Variants in HDAC4 observed in about 807,000 individuals in gnomAD.
HDAC4 encodes histone deacetylase 4.
A neutral mutation model predicts 135.1 loss-of-function variants in HDAC4; 16 were observed. The observed-to-expected ratio is 0.12, with a 90% CI of 0.08 to 0.18. The LOEUF (loss-of-function observed/expected upper bound fraction) is 0.18. Among genes scored for constraint, HDAC4 ranks in the 10% least tolerant of loss-of-function variants. The probability of loss-of-function intolerance (pLI) is 1.00; values close to 1 mark genes in which losing one functional copy is unlikely to be tolerated. For missense variants in HDAC4, 1,143 were observed against 1,511.8 expected (o/e 0.76, Z 4.05); for synonymous variants, 685 against 653.4 (o/e 1.05, Z -0.74).
intron 2 of HDAC4, among the ~76,000 whole-genome samples, chr2:239,286,278 A>AT (rs1190525115): frequency 6.6e-6 from 1 of 152,242 alleles, no homozygotes; most frequent in Non-Finnish European, 1.5e-5. Flanking sequence ...TAATTGATGC[A>AT]TTTTAAAAAA....
At chr2:239,386,196 C>T (rs1187308562) in intron 1 of HDAC4, among the ~76,000 whole-genome samples, 1 of 151,992 alleles carries the variant, frequency 6.6e-6, no homozygotes, top group Non-Finnish European at 1.5e-5. Flanking sequence ...GGTTCAGAGC[C>T]ACTGTCAGGT....
chr2:239,237,579 C>CAAAA (rs112938737), intron 2 of HDAC4, among the ~76,000 whole-genome samples: 6 of 136,238 alleles, frequency 4.4e-5, no homozygotes, highest in African/African-American at 7.8e-5. Flanking sequence ...CAAATGACTG[C>CAAAA]AAAAAAAAAA....
chr2:239,367,201 A>G (rs1354716015), intron 1 of HDAC4, among the ~76,000 whole-genome samples: 1 of 152,150 alleles, frequency 6.6e-6, no homozygotes, highest in Non-Finnish European at 1.5e-5. Flanking sequence ...TGTTCATAAT[A>G]GAAAAATGTC....
intron 19 of HDAC4, among the ~76,000 whole-genome samples, chr2:239,087,102 G>A (rs771171929): frequency 6.6e-6 from 1 of 152,160 alleles, no homozygotes; most frequent in Admixed American, 6.5e-5. Flanking sequence ...TGAAAGACCC[G>A]AAACAGCATC....
intron 1 of HDAC4, among the ~76,000 whole-genome samples, chr2:239,357,561 G>C (rs1247146561): frequency 6.6e-6 from 1 of 151,862 alleles, no homozygotes; most frequent in Non-Finnish European, 1.5e-5. Flanking sequence ...AGCTGATAAA[G>C]AGAAAAGACA....
In HDAC4 at chr2:239,133,830, G is replaced by A. The variant is rs1015881732; in HGVS notation, c.1294+415C>T. Among the ~76,000 whole-genome samples the A allele has an allele frequency of 3.9e-5, 6 of 152,146 alleles. No homozygotes were observed. The East Asian group carries it at 5.8e-4, about 15-fold the overall frequency. ...TGTTGCTATGTAATTTCATAAGGAC[G>A]TTCCCATTTTCCTCTAAATTGTATT... On this transcript the variant is annotated intron_variant, in intron 11 of 26. Transcript: ENST00000543185.
rs776353004 is a variant in HDAC4 at position 239,156,604 on chromosome 2, G to C, written c.733+48C>G. On this transcript the variant is annotated intron_variant, in intron 7 of 26. Coordinates refer to ENST00000543185, the MANE Select transcript of HDAC4 (RefSeq NM_001378414.1). ...CCCTGCGTGGCTTGTGGCGTGGAAG[G>C]TGCCCGTGCAGGAGACCTCCCGGCC... is the stretch of plus-strand genomic sequence containing the variant. 6.2e-6 allele frequency: 10 copies of C among 1,613,358 alleles called. No homozygotes were observed. The African/African-American group carries it at 1.3e-4, about 22-fold the overall frequency.
At chr2:239,344,008 G>A (rs1004628253) in intron 2 of HDAC4, among the ~76,000 whole-genome samples, 10 of 152,168 alleles carry the variant, frequency 6.6e-5, no homozygotes, top group African/African-American at 2.2e-4. Flanking sequence ...TCTTAAACGC[G>A]CAGTGGGGTT....
chr2:239,295,856 G>GC (rs1559339301), intron 2 of HDAC4, among the ~76,000 whole-genome samples: 1 of 152,106 alleles, frequency 6.6e-6, no homozygotes, highest in Non-Finnish European at 1.5e-5. Flanking sequence ...CATCACAAGT[G>GC]CCCCCAGAGC....
At chr2:239,191,000 G>A (rs902267331) in intron 3 of HDAC4, 2 of 464,916 alleles carry the variant, frequency 4.3e-6, no homozygotes, top group Non-Finnish European at 4.4e-6. Flanking sequence ...ACTGCTCCTG[G>A]CACAGCCCAG....
At chr2:239,209,532 G>C (rs572085381) in intron 3 of HDAC4, among the ~76,000 whole-genome samples, 1 of 152,144 alleles carries the variant, frequency 6.6e-6, no homozygotes, top group Non-Finnish European at 1.5e-5. Flanking sequence ...GATTCCATGT[G>C]GATTAAGACT....
chr2:239,372,041 A>C (rs1229459314), intron 1 of HDAC4, among the ~76,000 whole-genome samples: 1 of 152,210 alleles, frequency 6.6e-6, no homozygotes, highest in African/African-American at 2.4e-5. Context: ...CTGCTCGGCC[A>C]GAGGCATCCT....
At chr2:239,225,518 A>G (rs561412385) in intron 3 of HDAC4, among the ~76,000 whole-genome samples, 1 of 152,278 alleles carries the variant, frequency 6.6e-6, no homozygotes, top group South Asian at 2.1e-4. Flanking sequence ...CCCCCACCCC[A>G]GGGGGGGATG....
chr2:239,066,586 G>A (rs1383383503), intron 24 of HDAC4, 136 bp downstream of exon 24: 4 of 1,151,570 alleles, frequency 3.5e-6, no homozygotes, highest in South Asian at 1.3e-5. Flanking sequence ...GGGGGCAGGT[G>A]CAAGGCGGAG....
intron 2 of HDAC4, among the ~76,000 whole-genome samples, chr2:239,288,259 G>A (rs1460515733): frequency 3.3e-5 from 5 of 152,136 alleles, no homozygotes; most frequent in East Asian, 1.9e-4. Context: ...CACAACAGAC[G>A]GAGTAAAAGC....
chr2:239,138,542 C>T (rs892286949), intron 9 of HDAC4, among the ~76,000 whole-genome samples: 3 of 152,284 alleles, frequency 2.0e-5, no homozygotes, highest in South Asian at 2.1e-4. Flanking sequence ...AGAACTCTGC[C>T]CCATGAAGCA....
chr2:239,167,665 G>T lies in HDAC4; in HGVS notation c.491-3742C>A, dbSNP rs1002538349. Among the ~76,000 whole-genome samples, 2 of 151,648 alleles carry T rather than the reference G, an allele frequency of 1.3e-5. No individual in the cohort carries two copies. The highest frequency in any genetic ancestry group is 2.9e-5 in the Non-Finnish European group (2 of 67,982). ...TCTGTCAACAGGTTTCTCACTTAAA[G>T]TTCTAGAATGAAAAAACCCATTCAA... is the stretch of plus-strand genomic sequence containing the variant. On this transcript the variant is annotated intron_variant, in intron 5 of 26. Coordinates refer to ENST00000543185, the MANE Select transcript of HDAC4 (RefSeq NM_001378414.1). This position sits in a 1 kb window ranked among gnomAD's most constrained non-coding sequence, Gnocchi z 4.1.
In HDAC4 at chr2:239,139,804, G is replaced by T; in HGVS notation, c.866-8C>A. 6.2e-7 allele frequency: 1 copy of T among 1,609,444 alleles called. No individual in the cohort carries two copies. Among genetic ancestry groups the T allele is most frequent in the Non-Finnish European group, 8.5e-7 (1 of 1,178,156 alleles). ...CGCTGCTGCACGCGGAGTCTGCGGA[G>T]GCAGAAATACCCTGGTGAGTGTTAC... On this transcript the variant is annotated splice_polypyrimidine_tract_variant and splice_region_variant and intron_variant, in intron 8 of 26. Coordinates refer to ENST00000543185, the MANE Select transcript of HDAC4 (RefSeq NM_001378414.1). This position sits in a 1 kb window ranked among gnomAD's most constrained non-coding sequence, Gnocchi z 5.3.
At chr2:239,377,981 G>A (rs1057197931) in intron 1 of HDAC4, among the ~76,000 whole-genome samples, 2 of 152,120 alleles carry the variant, frequency 1.3e-5, no homozygotes, top group Non-Finnish European at 2.9e-5. Context: ...ACATCAAAAT[G>A]CCTGGTTTTC....
Sources: allele counts gnomAD v4.1 joint callset (sites outside exome capture counted in the v4.1 genomes callset), GRCh38; gene constraint gnomAD v4.1.1; non-coding constraint Gnocchi (gnomAD v3.1); transcripts MANE v1.5; gene names NCBI Gene and HGNC (gene_info 2026-07-23, HGNC 2026-07-21).